The following SLC30A8 variants were observed in gnomAD, a reference collection of about 807,000 sequenced individuals.
SLC30A8 encodes solute carrier family 30 member 8, also known as proton-coupled zinc antiporter SLC30A8.
Under a neutral mutation model 36.9 loss-of-function variants are expected in SLC30A8, and 27 were observed. That is an observed-to-expected ratio of 0.73 (90% CI 0.54 to 1.01). The LOEUF is 1.01. Among genes scored for constraint, SLC30A8 ranks in the 50% least tolerant of loss-of-function variants. The pLI, the probability that SLC30A8 is intolerant of heterozygous loss-of-function variation, is 0.00. For synonymous variants in SLC30A8, 164 were observed against 172.4 expected, an observed-to-expected ratio of 0.95 and a Z score of 0.38; for missense variants, 439 against 452.0, an observed-to-expected ratio of 0.97 and a Z score of 0.26.
At position 117,153,043 on chromosome 8, in the gene SLC30A8, C is replaced by T. The variant is rs558954279; in HGVS notation, c.371C>T (p.Ser124Leu). The part of the protein sequence containing the change: ...FLLSLFSLWL[S>L]SKPPSKRLTF... ...CTCAGTCTCTTCTCCCTGTGGTTGT[C>T]ATCGAAGCCTCCCTCTAAGCGGCTG... The change falls in exon 3 of 8, where the codon TCA (serine) becomes TTA (leucine). Residue 124 changes from serine to leucine, a missense_variant. Ser to Leu is a moderately radical substitution (Grantham distance 145). Transcript: ENST00000456015. The T allele has an allele frequency of 2.5e-6, 4 of 1,613,198 alleles. No homozygotes were observed. In the African/African-American group the frequency reaches 5.3e-5, roughly 22 times the overall value.
intron 6 of SLC30A8, chr8:117,163,841 C>A: frequency 5.3e-6 from 1 of 189,634 alleles, no homozygotes; most frequent in Non-Finnish European, 1.1e-5. Flanking sequence ...AAAAAAACTA[C>A]ATAAGTTTAC....
At chr8:117,077,917 A>G (rs1586476078) in intron 2 of SLC30A8, among the ~76,000 whole-genome samples, 1 of 152,236 alleles carries the variant, frequency 6.6e-6, no homozygotes, top group Non-Finnish European at 1.5e-5. Context: ...ATACTTTATT[A>G]TCAACTTCAT....
chr8:117,040,195 C>T (rs1249288970), intron 2 of SLC30A8, among the ~76,000 whole-genome samples: 1 of 152,200 alleles, frequency 6.6e-6, no homozygotes, highest in Non-Finnish European at 1.5e-5. Context: ...TCTTAGATAT[C>T]TTCTCATACA....
intron 2 of SLC30A8, among the ~76,000 whole-genome samples, chr8:117,046,482 A>G (rs1817555574): frequency 6.6e-6 from 1 of 152,242 alleles, no homozygotes; most frequent in Non-Finnish European, 1.5e-5. Flanking sequence ...GTCAGGAGTT[A>G]TTTAACTTAG....
intron 1 of SLC30A8, among the ~76,000 whole-genome samples, chr8:117,010,976 T>A (rs1261190384): frequency 6.6e-6 from 1 of 152,192 alleles, no homozygotes; most frequent in Non-Finnish European, 1.5e-5. Context: ...CACCGGAGAT[T>A]ACAGTTTGAC....
intron 1 of SLC30A8, among the ~76,000 whole-genome samples, chr8:117,144,468 T>A (rs1023330735): frequency 6.6e-6 from 1 of 152,074 alleles, no homozygotes; most frequent in Admixed American, 6.6e-5. Flanking sequence ...CCTTTAAGAT[T>A]CCACTTTAAG....
At chr8:117,165,631 T>G (rs1823018937) in intron 6 of SLC30A8, among the ~76,000 whole-genome samples, 1 of 152,164 alleles carries the variant, frequency 6.6e-6, no homozygotes, top group Admixed American at 6.5e-5. Flanking sequence ...TGACTAGAGA[T>G]GCTGGGGCTA....
chr8:117,077,901 T>C (rs1818540005), intron 2 of SLC30A8, among the ~76,000 whole-genome samples: 2 of 152,230 alleles, frequency 1.3e-5, no homozygotes, highest in Non-Finnish European at 2.9e-5. Flanking sequence ...ATATGGATTT[T>C]AGAAAATACT....
chr8:117,152,501 T>G (rs1204848456), intron 2 of SLC30A8, among the ~76,000 whole-genome samples: 1 of 152,150 alleles, frequency 6.6e-6, no homozygotes, highest in Admixed American at 6.5e-5. Flanking sequence ...AGATGCTGAT[T>G]AAATTATAAG....
At chr8:116,980,456 A>G (rs1815213606) in intron 1 of SLC30A8, among the ~76,000 whole-genome samples, 1 of 152,168 alleles carries the variant, frequency 6.6e-6, no homozygotes, top group African/African-American at 2.4e-5. Context: ...TGGAGCAGAA[A>G]TCACACCACA....
chr8:117,058,469 G>A (rs1202056703), intron 2 of SLC30A8, among the ~76,000 whole-genome samples: 2 of 152,062 alleles, frequency 1.3e-5, no homozygotes, highest in African/African-American at 4.8e-5. Flanking sequence ...GCCAGTGTTA[G>A]CTTATCTTAT....
chr8:117,032,067 A>C (rs954299280), intron 1 of SLC30A8, among the ~76,000 whole-genome samples: 6 of 152,040 alleles, frequency 3.9e-5, no homozygotes, highest in Admixed American at 2.6e-4. Context: ...CAAGCCTTTG[A>C]TTATAGCACC....
chr8:117,040,943 G>A (rs1817366816), intron 2 of SLC30A8, among the ~76,000 whole-genome samples: 1 of 152,104 alleles, frequency 6.6e-6, no homozygotes, highest in Non-Finnish European at 1.5e-5. Flanking sequence ...ACTGGCCCAT[G>A]ATGTTGCATT....
At chr8:117,161,155 C>T (rs1451049871) in intron 4 of SLC30A8, among the ~76,000 whole-genome samples, 1 of 152,130 alleles carries the variant, frequency 6.6e-6, no homozygotes, top group Non-Finnish European at 1.5e-5. Context: ...TATATTTCTA[C>T]TTCTGGATTA....
chr8:117,080,137 G>A (rs753245839), intron 2 of SLC30A8, among the ~76,000 whole-genome samples: 18 of 151,720 alleles, frequency 1.2e-4, no homozygotes, highest in Non-Finnish European at 2.4e-4. Context: ...CCTGATATCT[G>A]GTACAATTTT....
intron 1 of SLC30A8, among the ~76,000 whole-genome samples, chr8:117,033,514 T>G (rs1439964373): frequency 6.6e-6 from 1 of 152,222 alleles, no homozygotes; most frequent in Admixed American, 6.5e-5. Context: ...TGGTTTCCTT[T>G]AGGGGTGATG....
intron 2 of SLC30A8, among the ~76,000 whole-genome samples, chr8:117,059,966 A>G (rs897726079): frequency 1.2e-4 from 19 of 152,098 alleles, no homozygotes; most frequent in African/African-American, 4.3e-4. Context: ...GAAGGAGGGA[A>G]CAGATACGAG....
At chr8:117,029,291 C>G (rs1206874062) in intron 1 of SLC30A8, among the ~76,000 whole-genome samples, 1 of 152,142 alleles carries the variant, frequency 6.6e-6, no homozygotes, top group Non-Finnish European at 1.5e-5. Flanking sequence ...TACTCAGGTC[C>G]TTGCAATTGT....
chr8:117,101,305 G>T (rs1349960851), intron 2 of SLC30A8, among the ~76,000 whole-genome samples: 1 of 152,028 alleles, frequency 6.6e-6, no homozygotes, highest in Non-Finnish European at 1.5e-5. Context: ...GGGATTCAAT[G>T]GATAAATAAT....
Sources: gnomAD v4.1 joint callset for allele counts (sites outside exome capture counted in the v4.1 genomes callset) on GRCh38, gnomAD v4.1.1 for gene constraint, MANE v1.5 for transcripts, NCBI Gene and HGNC (gene_info 2026-07-23, HGNC 2026-07-21) for gene names.